The following METTL16 variants were observed in gnomAD, a reference collection of about 807,000 sequenced individuals.
METTL16 encodes RNA N(6)-adenosine-methyltransferase METTL16.
Under a neutral mutation model 57.9 loss-of-function variants are expected in METTL16, and 19 were observed. That is an observed-to-expected ratio of 0.33 (90% CI 0.23 to 0.48). METTL16 has a LOEUF of 0.48. Among genes scored for constraint, METTL16 ranks in the 20% least tolerant of loss-of-function variants. The probability of loss-of-function intolerance (pLI) is 0.99; values close to 1 mark genes in which losing one functional copy is unlikely to be tolerated. For missense variants in METTL16, 434 were observed against 691.5 expected, an observed-to-expected ratio of 0.63 and a Z score of 4.18; for synonymous variants, 246 against 255.6, an observed-to-expected ratio of 0.96 and a Z score of 0.36.
At chr17:2,477,990 G>T (rs947993219) in intron 2 of METTL16, 105 bp from the exon 3 acceptor site, 1 of 862,428 alleles carries the variant, frequency 1.2e-6, no homozygotes, top group Non-Finnish European at 1.9e-6. Flanking sequence ...AACCTCCCAG[G>T]GAGATCACAC....
intron 2 of METTL16, among the ~76,000 whole-genome samples, chr17:2,499,829 C>T (rs183724951): frequency 2.6e-4 from 39 of 152,270 alleles, no homozygotes; most frequent in Admixed American, 1.4e-3. Flanking sequence ...TCTCGGTTCA[C>T]TAAAACCTCC....
intron 2 of METTL16, among the ~76,000 whole-genome samples, chr17:2,501,282 T>G (rs147197707): frequency 6.6e-6 from 1 of 151,698 alleles, no homozygotes; most frequent in East Asian, 1.9e-4. Flanking sequence ...AAAATAAAAA[T>G]AGCTAAGCAT....
At chr17:2,460,361 A>C (rs1276069662) in intron 6 of METTL16, 1 of 152,064 alleles carries the variant, frequency 6.6e-6, no homozygotes, top group Non-Finnish European at 1.5e-5. Context: ...CCTTCATTCA[A>C]TTTGCAGGCT....
chr17:2,450,060 A>C (rs1294665270), intron 6 of METTL16, among the ~76,000 whole-genome samples: 1 of 152,252 alleles, frequency 6.6e-6, no homozygotes. Context: ...AGTCACTTTG[A>C]AAAGCAGCTT....
intron 7 of METTL16, among the ~76,000 whole-genome samples, chr17:2,438,767 T>C (rs2066926678): frequency 6.6e-6 from 1 of 152,250 alleles, no homozygotes; most frequent in Admixed American, 6.5e-5. Context: ...GTGCTGAGAT[T>C]ACAGGTGTGA....
Position 2,489,732 on chromosome 17 carries a change from C to CAAAAAAAAAAAAAAAAAAA in METTL16, c.129-11848_129-11847insTTTTTTTTTTTTTTTTTTT, listed in dbSNP as rs61506042. On this transcript the variant is annotated intron_variant, in intron 2 of 9. Transcript: ENST00000263092. ...CCAGCCTGGATGACAGAGCGAGACT[C>CAAAAAAAAAAAAAAAAAAA]AAAAAAAAAAAAAAAAACGAATACT... is the stretch of plus-strand genomic sequence containing the variant. Among the ~76,000 whole-genome samples, 6 of 60,322 alleles carry CAAAAAAAAAAAAAAAAAAA rather than the reference C, an allele frequency of 9.9e-5. 1 individual carries two copies. Among genetic ancestry groups the CAAAAAAAAAAAAAAAAAAA allele is most frequent in the East Asian group, 5.6e-4 (1 of 1,796 alleles). 39.6% of individuals were successfully genotyped at this position (60,322 alleles called of 152,430 possible). A position where few individuals can be genotyped will look rare whatever the true frequency, so the allele number is the denominator to read the frequency against.
chr17:2,500,512 C>T (rs1011136109), intron 2 of METTL16, among the ~76,000 whole-genome samples: 3 of 152,092 alleles, frequency 2.0e-5, no homozygotes, highest in Non-Finnish European at 2.9e-5. Context: ...AAACTCCTGA[C>T]CTCAAGTGAT....
chr17:2,448,174 C>A (rs1436101711), intron 6 of METTL16, among the ~76,000 whole-genome samples: 1 of 135,298 alleles, frequency 7.4e-6, no homozygotes, highest in South Asian at 2.3e-4. Context: ...TGAGGGGCGC[C>A]TCTGCCCGGC....
chr17:2,510,457 C>T (rs530155952), intron 1 of METTL16, among the ~76,000 whole-genome samples: 4 of 152,170 alleles, frequency 2.6e-5, no homozygotes, highest in Non-Finnish European at 5.9e-5. Flanking sequence ...AGTGCACACA[C>T]AACATAATAC....
chr17:2,457,723 AAG>A (rs1555618173), intron 6 of METTL16, among the ~76,000 whole-genome samples: 1 of 152,048 alleles, frequency 6.6e-6, no homozygotes, highest in African/African-American at 2.4e-5. Flanking sequence ...AAAAAAAAAA[AAG>A]AGTTAAAAAT....
intron 5 of METTL16, among the ~76,000 whole-genome samples, chr17:2,465,067 TA>T (rs1405668888): frequency 6.6e-6 from 1 of 151,994 alleles, no homozygotes; most frequent in Non-Finnish European, 1.5e-5. Context: ...AACTTAATAA[TA>T]AAAACAAAAA....
chr17:2,442,836 T>C (rs1597445620), intron 6 of METTL16, among the ~76,000 whole-genome samples: 1 of 97,054 alleles, frequency 1.0e-5, no homozygotes, highest in Non-Finnish European at 2.0e-5. Flanking sequence ...TCAATAGTTC[T>C]TTTTTTTTTT....
chr17:2,488,902 C>G (rs1224366517), intron 2 of METTL16, among the ~76,000 whole-genome samples: 2 of 152,138 alleles, frequency 1.3e-5, no homozygotes, highest in Non-Finnish European at 2.9e-5. Context: ...CTTTTCAACT[C>G]TCTGATACAG....
intron 3 of METTL16, among the ~76,000 whole-genome samples, chr17:2,474,907 GTCTCTCTCTC>G (rs3029948): frequency 6.7e-6 from 1 of 149,370 alleles, no homozygotes; most frequent in African/African-American, 2.5e-5. Flanking sequence ...GTGACATCAA[GTCTCTCTCTC>G]TCTCTCTCTC....
intron 8 of METTL16, among the ~76,000 whole-genome samples, chr17:2,426,850 A>C (rs1230747832): frequency 6.6e-6 from 1 of 151,918 alleles, no homozygotes; most frequent in Non-Finnish European, 1.5e-5. Context: ...ATTTGAAAAA[A>C]TGGGTCAGGC....
intron 6 of METTL16, among the ~76,000 whole-genome samples, chr17:2,456,323 G>A (rs1405184289): frequency 6.6e-6 from 1 of 152,044 alleles, no homozygotes; most frequent in East Asian, 1.9e-4. Flanking sequence ...TGAAAGCAGG[G>A]GTCAAACGTA....
intron 2 of METTL16, among the ~76,000 whole-genome samples, chr17:2,490,386 G>T (rs2067378498): frequency 6.6e-6 from 1 of 152,120 alleles, no homozygotes; most frequent in African/African-American, 2.4e-5. Context: ...ACAGTATAAT[G>T]TCAAATGGGG....
At chr17:2,434,043 T>G (rs942909412) in intron 8 of METTL16, among the ~76,000 whole-genome samples, 4 of 152,216 alleles carry the variant, frequency 2.6e-5, no homozygotes, top group African/African-American at 9.7e-5. Context: ...AAACAATGTC[T>G]GATTTGTTTA....
intron 1 of METTL16, among the ~76,000 whole-genome samples, chr17:2,506,260 CT>C (rs1362458700): frequency 7.3e-6 from 1 of 137,148 alleles, no homozygotes; most frequent in Non-Finnish European, 1.6e-5. Context: ...CCCCCTCCCC[CT>C]CCCTCTCCCT....
Sources: gnomAD v4.1 joint callset for allele counts (sites outside exome capture counted in the v4.1 genomes callset) on GRCh38, gnomAD v4.1.1 for gene constraint, MANE v1.5 for transcripts, NCBI Gene and HGNC (gene_info 2026-07-23, HGNC 2026-07-21) for gene names.